The following CLVS1 variants were observed in gnomAD, a reference collection of about 807,000 sequenced individuals.
CLVS1 encodes clavesin 1, also known as clavesin-1.
In CLVS1, 10 loss-of-function variants were observed where a neutral mutation model predicts 33.1. That is an observed-to-expected ratio of 0.30 (90% CI 0.19 to 0.51). CLVS1 has a LOEUF of 0.51. CLVS1 is among the 20% of genes least tolerant of loss of function. The pLI is 0.97. For missense variants in CLVS1, 343 were observed against 433.4 expected (o/e 0.79, Z 1.85); for synonymous variants, 163 against 166.1 (o/e 0.98, Z 0.14).
At chr8:61,126,826 C>A (rs532823576) in intron 1 of CLVS1, among the ~76,000 whole-genome samples, 1 of 152,350 alleles carries the variant, frequency 6.6e-6, no homozygotes, top group Admixed American at 6.5e-5. Context: ...TTTACACAAC[C>A]TCTCTCTACA....
the CLVS1 span, among the ~76,000 whole-genome samples, chr8:61,011,192 C>T: frequency 6.6e-6 from 1 of 152,130 alleles, no homozygotes; most frequent in Non-Finnish European, 1.5e-5. Flanking sequence ...CTTGAACCCA[C>T]GAGTTTGAGG....
At chr8:61,467,279 C>G (rs1817581008) in intron 5 of CLVS1, among the ~76,000 whole-genome samples, 1 of 152,110 alleles carries the variant, frequency 6.6e-6, no homozygotes, top group Non-Finnish European at 1.5e-5. Flanking sequence ...ATGGCGGGTG[C>G]CCTTGCAGCA....
chr8:61,302,963 G>A (rs975686371), intron 2 of CLVS1, among the ~76,000 whole-genome samples: 2 of 152,150 alleles, frequency 1.3e-5, no homozygotes, highest in African/African-American at 4.8e-5. Flanking sequence ...CAGCACTAGG[G>A]TGATGGTGCT....
chr8:61,347,624 CAT>C (rs1207757118), intron 2 of CLVS1, among the ~76,000 whole-genome samples: 3 of 98,490 alleles, frequency 3.0e-5, no homozygotes, highest in South Asian at 3.5e-4. Flanking sequence ...TTGGCCATTC[CAT>C]TATATATATA....
the CLVS1 span, among the ~76,000 whole-genome samples, chr8:61,051,866 C>T: frequency 6.6e-6 from 1 of 152,240 alleles, no homozygotes; most frequent in African/African-American, 2.4e-5. Flanking sequence ...TGCCCAGCCA[C>T]CCACGCTGGG....
intron 1 of CLVS1, among the ~76,000 whole-genome samples, chr8:61,110,857 G>T (rs977315918): frequency 6.6e-5 from 10 of 152,140 alleles, no homozygotes; most frequent in African/African-American, 2.4e-4. Context: ...CATCCATGTT[G>T]TAGTCAGAAT....
intron 2 of CLVS1, among the ~76,000 whole-genome samples, chr8:61,302,403 A>G (rs1281657296): frequency 6.6e-6 from 1 of 152,176 alleles, no homozygotes; most frequent in Non-Finnish European, 1.5e-5. Context: ...CATTCACTCA[A>G]CATTCAGTGA....
rs145532710 is a variant in CLVS1, at chr8:61,309,304, C to T, written c.455+9022C>T. Among the ~76,000 whole-genome samples, 180 of 152,292 alleles carry T rather than the reference C, an allele frequency of 1.2e-3. 2 individuals are homozygous for T. The highest frequency in any genetic ancestry group is 3.3e-3 in the Admixed American group (50 of 15,298). On this transcript the variant is annotated intron_variant, in intron 2 of 5. Transcript: ENST00000325897. ...CTTTAATGGAATGAATCCGAGTCTCCATTCCTTCATGCACTCTGTAATACA... is the reference window on the plus strand; with the variant it reads ...CTTTAATGGAATGAATCCGAGTCTCTATTCCTTCATGCACTCTGTAATACA...
chr8:61,076,486 A>G (rs1459531363), intron 1 of CLVS1, among the ~76,000 whole-genome samples: 2 of 152,198 alleles, frequency 1.3e-5, no homozygotes, highest in African/African-American at 4.8e-5. Flanking sequence ...CTGACTATCT[A>G]ACATATCAGG....
At chr8:61,129,389 A>G (rs1240493721) in intron 1 of CLVS1, among the ~76,000 whole-genome samples, 3 of 152,180 alleles carry the variant, frequency 2.0e-5, no homozygotes, top group Non-Finnish European at 4.4e-5. Context: ...GTGCTACCAG[A>G]GGGATGGTCA....
chr8:61,431,569 C>T (rs1816116529), intron 3 of CLVS1, among the ~76,000 whole-genome samples: 1 of 152,206 alleles, frequency 6.6e-6, no homozygotes, highest in Admixed American at 6.5e-5. Context: ...CAACCTCTAG[C>T]CTTCTACCTT....
At chr8:61,301,506 G>A (rs1291438464) in intron 2 of CLVS1, among the ~76,000 whole-genome samples, 2 of 151,980 alleles carry the variant, frequency 1.3e-5, no homozygotes, top group African/African-American at 4.8e-5. Context: ...CAGTTACAAT[G>A]GAAGTGTAAC....
chr8:61,230,213 G>A (rs1260199773), intron 2 of CLVS1, among the ~76,000 whole-genome samples: 2 of 152,138 alleles, frequency 1.3e-5, no homozygotes, highest in African/African-American at 2.4e-5. Flanking sequence ...GCAGACTACC[G>A]TGTAGCCTGT....
intron 2 of CLVS1, chr8:61,370,208 T>C (rs1177477453): frequency 6.6e-6 from 1 of 152,016 alleles, no homozygotes; most frequent in African/African-American, 2.4e-5. Flanking sequence ...AAAAAAATTT[T>C]ATTTTTTGTT....
intron 1 of CLVS1, among the ~76,000 whole-genome samples, chr8:61,064,327 A>T (rs1403817680): frequency 6.6e-6 from 1 of 152,194 alleles, no homozygotes; most frequent in Non-Finnish European, 1.5e-5. Context: ...GCACCATTTT[A>T]TGCTTCAACA....
At chr8:61,139,793 T>C (rs989306748) in intron 2 of CLVS1, among the ~76,000 whole-genome samples, 7 of 151,968 alleles carry the variant, frequency 4.6e-5, no homozygotes, top group Non-Finnish European at 1.0e-4. Flanking sequence ...TCCTTCACGG[T>C]CTCAGTTGAC....
At chr8:61,237,030 A>G (rs759270757) in intron 2 of CLVS1, among the ~76,000 whole-genome samples, 2 of 152,232 alleles carry the variant, frequency 1.3e-5, no homozygotes, top group African/African-American at 2.4e-5. Flanking sequence ...TGTCTTCAAG[A>G]TAAATCGATT....
intron 3 of CLVS1, among the ~76,000 whole-genome samples, chr8:61,389,948 G>C (rs896469499): frequency 6.6e-6 from 1 of 152,174 alleles, no homozygotes. Flanking sequence ...AATAAAAATA[G>C]TTTCCATATG....
In CLVS1 at chr8:61,299,206, G is replaced by C. The variant is rs1810337741; in HGVS notation, c.-151-471G>C. ...GCAAATGGCTGGCTTTAAGAAAGTG[G>C]GGGAAGGGTTATTTCTGTGAAAGAT... On this transcript the variant is annotated intron_variant, in intron 1 of 5. Transcript: ENST00000325897. Among the ~76,000 whole-genome samples the C allele has an allele frequency of 3.9e-5, 6 of 152,232 alleles. No homozygotes were observed. In the South Asian group the frequency reaches 1.2e-3, roughly 32 times the overall value.
Sources: allele counts gnomAD v4.1 joint callset (sites outside exome capture counted in the v4.1 genomes callset), GRCh38; gene constraint gnomAD v4.1.1; transcripts MANE v1.5; gene names NCBI Gene and HGNC (gene_info 2026-07-23, HGNC 2026-07-21).